Variants in PTPRM observed in about 807,000 individuals in gnomAD.
PTPRM encodes the protein receptor-type tyrosine-protein phosphatase mu.
PTPRM carries 47 observed loss-of-function variants against 186.7 expected under a neutral mutation model. The observed-to-expected ratio is 0.25, with a 90% CI of 0.20 to 0.32. The LOEUF (loss-of-function observed/expected upper bound fraction) is 0.32. Among genes scored for constraint, PTPRM ranks in the 10% least tolerant of loss-of-function variants. The pLI, the probability that PTPRM is intolerant of heterozygous loss-of-function variation, is 1.00. For synonymous variants in PTPRM, 668 were observed against 674.9 expected (o/e 0.99, Z 0.16); for missense variants, 1,494 against 1,865.0 (o/e 0.80, Z 3.66).
chr18:8,125,121 A>G (rs1054396486), intron 13 of PTPRM, among the ~76,000 whole-genome samples: 8 of 151,740 alleles, frequency 5.3e-5, no homozygotes, highest in African/African-American at 1.5e-4. Context: ...GAGGCAGGAG[A>G]ATTGCTTGAA....
intron 2 of PTPRM, among the ~76,000 whole-genome samples, chr18:7,802,762 T>A (rs2044038389): frequency 6.6e-6 from 1 of 152,250 alleles, no homozygotes; most frequent in Non-Finnish European, 1.5e-5. Context: ...GACATCTTTT[T>A]ATTGATTCTT....
At position 7,625,447 on chromosome 18, in the gene PTPRM, G is replaced by A. The variant is rs373169884; in HGVS notation, c.73+57556G>A. ...TATGGCCTAATTCTTGCCCTGTGGTGAAATTATATTGCAAGGTAAGAGAAT... is the reference window on the plus strand; with the variant it reads ...TATGGCCTAATTCTTGCCCTGTGGTAAAATTATATTGCAAGGTAAGAGAAT... On this transcript the variant is annotated intron_variant, in intron 1 of 32. Transcript: ENST00000580170. 3.9e-5 allele frequency among the ~76,000 whole-genome samples: 6 copies of A among 152,302 alleles called. No homozygotes were observed. In the East Asian group the frequency reaches 9.7e-4, roughly 25 times the overall value.
intron 11 of PTPRM, among the ~76,000 whole-genome samples, chr18:8,111,729 A>G (rs7241382): frequency 0.047 from 7,143 of 152,316 alleles, 226 homozygotes; most frequent in Middle Eastern, 0.18. Context: ...TTCTAGATAT[A>G]TGAACTCCAT....
At chr18:8,322,623 CT>C (rs2095352776) in intron 22 of PTPRM, among the ~76,000 whole-genome samples, 1 of 152,130 alleles carries the variant, frequency 6.6e-6, no homozygotes, top group African/African-American at 2.4e-5. Context: ...CAAAAGCAGG[CT>C]CAAGTGATGG....
chr18:8,267,332 A>G (rs1286697233), intron 19 of PTPRM, among the ~76,000 whole-genome samples: 13 of 152,120 alleles, frequency 8.5e-5, no homozygotes, highest in Non-Finnish European at 1.5e-5. Context: ...TAGTTGTAAG[A>G]GTATGGAGTA....
intron 1 of PTPRM, among the ~76,000 whole-genome samples, chr18:7,575,031 C>CA (rs906498626): frequency 3.9e-5 from 6 of 151,948 alleles, no homozygotes; most frequent in Non-Finnish European, 5.9e-5. Flanking sequence ...GACTCCGTCT[C>CA]AAAAAACAGA....
Position 8,357,784 on chromosome 18 carries a change from C to G in PTPRM, c.3055-13106C>G, listed in dbSNP as rs2148366614. 1.3e-5 allele frequency among the ~76,000 whole-genome samples: 2 copies of G among 152,130 alleles called. 1 individual carries two copies. Among genetic ancestry groups the G allele is most frequent in the Middle Eastern group, 6.8e-3 (2 of 294 alleles). ...GGTAAACTGTGGTTTAAAGGAGATG[C>G]AAAAACATATACAATTATAAAACAA... On this transcript the variant is annotated intron_variant, in intron 23 of 32. Transcript: ENST00000580170.
At chr18:8,031,561 T>G (rs1382613105) in intron 7 of PTPRM, among the ~76,000 whole-genome samples, 1 of 152,168 alleles carries the variant, frequency 6.6e-6, no homozygotes, top group African/African-American at 2.4e-5. Context: ...CTCGTGCACC[T>G]TAAGTGAATG....
At chr18:7,677,763 C>T (rs1343090020) in intron 1 of PTPRM, among the ~76,000 whole-genome samples, 2 of 152,140 alleles carry the variant, frequency 1.3e-5, no homozygotes, top group African/African-American at 4.8e-5. Flanking sequence ...CCTTTCCTTC[C>T]ATCTCTGCCT....
At chr18:7,976,879 G>C (rs1046009844) in intron 7 of PTPRM, among the ~76,000 whole-genome samples, 1 of 150,660 alleles carries the variant, frequency 6.6e-6, no homozygotes, top group Admixed American at 6.6e-5. Flanking sequence ...CGTTTGTTAA[G>C]TACTATCAGT....
At chr18:7,619,643 C>T (rs372268887) in intron 1 of PTPRM, among the ~76,000 whole-genome samples, 4 of 152,180 alleles carry the variant, frequency 2.6e-5, no homozygotes, top group Non-Finnish European at 2.9e-5. Flanking sequence ...TTCTGCTTCA[C>T]GCTCTCGTCA....
intron 7 of PTPRM, among the ~76,000 whole-genome samples, chr18:7,989,943 G>C (rs9963748): frequency 0.034 from 5,213 of 152,186 alleles, 294 homozygotes; most frequent in African/African-American, 0.12. Flanking sequence ...TTGCTCTGTT[G>C]CCCAAGCTGG....
intron 1 of PTPRM, among the ~76,000 whole-genome samples, chr18:7,615,771 A>G (rs2037788202): frequency 6.6e-6 from 1 of 152,142 alleles, no homozygotes; most frequent in South Asian, 2.1e-4. Flanking sequence ...TCCTATTATT[A>G]CATTGTAATA....
At chr18:8,390,239 G>GA (rs2095802477) in intron 31 of PTPRM, among the ~76,000 whole-genome samples, 1 of 152,194 alleles carries the variant, frequency 6.6e-6, no homozygotes, top group East Asian at 1.9e-4. Context: ...AAGACTGCCT[G>GA]GACACGTTGG....
At chr18:8,323,109 A>C (rs1440895215) in intron 22 of PTPRM, among the ~76,000 whole-genome samples, 1 of 152,154 alleles carries the variant, frequency 6.6e-6, no homozygotes, top group Non-Finnish European at 1.5e-5. Flanking sequence ...GATTACAGGC[A>C]TGAGTCATTG....
intron 1 of PTPRM, among the ~76,000 whole-genome samples, chr18:7,768,364 G>A (rs186948414): frequency 1.4e-4 from 21 of 152,242 alleles, no homozygotes; most frequent in Middle Eastern, 3.4e-3. Flanking sequence ...AAGATGGCAT[G>A]TGCCTGTGGT....
At chr18:8,364,967 G>A (rs1279030219) in intron 23 of PTPRM, 1 of 152,270 alleles carries the variant, frequency 6.6e-6, no homozygotes, top group East Asian at 1.9e-4. Flanking sequence ...ACAGGAGGCA[G>A]AGTAGAAACG....
chr18:8,252,033 T>C (rs1199401099), intron 17 of PTPRM, among the ~76,000 whole-genome samples: 1 of 152,212 alleles, frequency 6.6e-6, no homozygotes, highest in African/African-American at 2.4e-5. Flanking sequence ...TTTCCCTGCA[T>C]AAGACATTTT....
chr18:7,899,553 T>G (rs1006145496), intron 3 of PTPRM, among the ~76,000 whole-genome samples: 2 of 152,198 alleles, frequency 1.3e-5, no homozygotes, highest in Non-Finnish European at 2.9e-5. Flanking sequence ...CCACAACTTT[T>G]AAAATAATCA....
Sources: gnomAD v4.1 joint callset for allele counts (sites outside exome capture counted in the v4.1 genomes callset) on GRCh38, gnomAD v4.1.1 for gene constraint, MANE v1.5 for transcripts, NCBI Gene and HGNC (gene_info 2026-07-23, HGNC 2026-07-21) for gene names.